DNAH9: variants seen among roughly 807,000 people sequenced by gnomAD.
DNAH9 encodes dynein axonemal heavy chain 9.
A neutral mutation model predicts 471.6 loss-of-function variants in DNAH9; 345 were observed. That is an observed-to-expected ratio of 0.73 (90% CI 0.67 to 0.80). DNAH9 has a LOEUF of 0.80. Among genes scored for constraint, DNAH9 ranks in the 30% least tolerant of loss-of-function variants. The pLI, the probability that DNAH9 is intolerant of heterozygous loss-of-function variation, is 0.00. For missense variants in DNAH9, 5,407 were observed against 5,609.2 expected (o/e 0.96, Z 1.15); for synonymous variants, 2,093 against 2,123.6 (o/e 0.99, Z 0.40).
intron 38 of DNAH9, among the ~76,000 whole-genome samples, chr17:11,772,252 AATT>A (rs2150882106): frequency 6.6e-6 from 1 of 151,986 alleles, no homozygotes; most frequent in Admixed American, 6.5e-5. Context: ...AAATTATTAA[AATT>A]AATAATCTAA....
At chr17:11,790,707 A>G (rs1300731367) in intron 41 of DNAH9, among the ~76,000 whole-genome samples, 1 of 151,816 alleles carries the variant, frequency 6.6e-6, no homozygotes, top group Non-Finnish European at 1.5e-5. Context: ...TGCTCTTTTT[A>G]ATATATTCTA....
chr17:11,617,406 T>C lies in DNAH9; in HGVS notation c.905-5T>C. Reference sequence around the variant, plus strand: ...GGAATGCTGACCATCTCCAATTCCTTCCAGCTCTAGCAGAGGCACAGGACA... The same window carrying C: ...GGAATGCTGACCATCTCCAATTCCTCCCAGCTCTAGCAGAGGCACAGGACA... On this transcript the variant is annotated splice_region_variant and splice_polypyrimidine_tract_variant and intron_variant, in intron 4 of 68. Transcript: ENST00000262442. 6.2e-7 allele frequency: 1 copy of C among 1,610,594 alleles called. No individual in the cohort carries two copies. Among genetic ancestry groups the C allele is most frequent in the Non-Finnish European group, 8.5e-7 (1 of 1,177,030 alleles).
intron 58 of DNAH9, among the ~76,000 whole-genome samples, chr17:11,893,399 A>G (rs575972732): frequency 1.9e-4 from 29 of 151,548 alleles, no homozygotes; most frequent in African/African-American, 6.8e-4. Flanking sequence ...GGAAAGACAC[A>G]TACACACGTA....
intron 1 of DNAH9, among the ~76,000 whole-genome samples, 163 bp downstream of exon 1, chr17:11,599,078 C>T (rs1384107910): frequency 1.3e-5 from 2 of 151,778 alleles, no homozygotes; most frequent in Non-Finnish European, 2.9e-5. Flanking sequence ...GGGAGCACAA[C>T]CAGGAGGGAA....
rs142507199 is a variant in DNAH9, at chr17:11,853,028, C to CT, written c.9508-974dup. Among the ~76,000 whole-genome samples the CT allele has an allele frequency of 7.4e-3, 1,123 of 150,894 alleles. 18 individuals are homozygous for CT. The highest frequency in any genetic ancestry group is 0.025 in the African/African-American group (1,044 of 41,132). On this transcript the variant is annotated intron_variant, in intron 49 of 68. Transcript: ENST00000262442. Reference sequence around the variant, plus strand: ...GTCACTTTAGGTTTTCAGCAAATGCCTGAATGGTCCCTTTAAAGGAAGTGG... The same window carrying CT: ...GTCACTTTAGGTTTTCAGCAAATGCCTTGAATGGTCCCTTTAAAGGAAGTGG...
chr17:11,863,544 T>G (rs891616285), intron 50 of DNAH9, among the ~76,000 whole-genome samples: 4 of 152,248 alleles, frequency 2.6e-5, no homozygotes, highest in African/African-American at 9.6e-5. Context: ...ATAAAATGAG[T>G]TAGGGAGGAT....
At position 11,652,918 on chromosome 17, in the gene DNAH9, T is replaced by C. The variant is rs1479610584; in HGVS notation, c.2511T>C (p.Leu837=). The part of the protein sequence containing the change: ...KTKDGKRESL[L]SLDDRHDRME... ...AAGATGGAAAAAGGGAATCCCTTCT[T>C]TCTCTGGATGATCGGCATGATCGAA... Residue 837 remains leucine, a synonymous_variant, in exon 14 of 69, where the codon CTT becomes CTC. Transcript: ENST00000262442. 1.1e-5 allele frequency: 17 copies of C among 1,613,958 alleles called. No homozygotes were observed. The highest frequency in any genetic ancestry group is 1.4e-5 in the Non-Finnish European group (17 of 1,179,942).
chr17:11,623,207 C>G lies in DNAH9; in HGVS notation c.1350+3426C>G, dbSNP rs1401298392. Among the ~76,000 whole-genome samples the G allele has an allele frequency of 6.6e-6, 1 of 152,022 alleles. No homozygotes were observed. ...CAGGCTGGTCTTGAACTCCCAACCT[C>G]AGGAGATCCACCCAGCTTGGCCTCC... is the stretch of plus-strand genomic sequence containing the variant. On this transcript the variant is annotated intron_variant, in intron 6 of 68. Coordinates refer to ENST00000262442, the MANE Select transcript of DNAH9 (RefSeq NM_001372.4). The surrounding 1 kb of genome is among the most constrained non-coding windows in gnomAD (Gnocchi z 4.1).
intron 45 of DNAH9, among the ~76,000 whole-genome samples, chr17:11,813,444 A>G: frequency 6.6e-6 from 1 of 152,152 alleles, no homozygotes; most frequent in East Asian, 1.9e-4. Context: ...AGCTGCGGGG[A>G]TGACGCAGAA....
chr17:11,707,483 G>A (rs757419211), intron 26 of DNAH9, among the ~76,000 whole-genome samples: 9 of 152,164 alleles, frequency 5.9e-5, no homozygotes, highest in Non-Finnish European at 8.8e-5. Context: ...ATCCCAGCAC[G>A]ATTCATAGCT....
At chr17:11,651,847 T>C (rs2073513245) in intron 13 of DNAH9, among the ~76,000 whole-genome samples, 1 of 152,024 alleles carries the variant, frequency 6.6e-6, no homozygotes, top group African/African-American at 2.4e-5. Flanking sequence ...ATATACAACA[T>C]AACTTATACA....
chr17:11,932,273 G>T lies in DNAH9; in HGVS notation c.12297+68G>T. 6.6e-7 allele frequency: 1 copy of T among 1,507,808 alleles called. No homozygotes were observed. The highest frequency in any genetic ancestry group is 1.2e-5 in the South Asian group (1 of 82,262). 93.4% of individuals were successfully genotyped at this position (1,507,808 alleles called of 1,614,324 possible). A position where few individuals can be genotyped will look rare whatever the true frequency, so the allele number is the denominator to read the frequency against. On this transcript the variant is annotated intron_variant, in intron 64 of 68. Coordinates refer to ENST00000262442, the MANE Select transcript of DNAH9 (RefSeq NM_001372.4). The surrounding 1 kb of genome is among the most constrained non-coding windows in gnomAD (Gnocchi z 4.3). Reference sequence around the variant, plus strand: ...GGTTAAAATTATTTAATTTTGAGGGGTGAATCAGAGGGGTCTAGGATGGGG... The same window carrying T: ...GGTTAAAATTATTTAATTTTGAGGGTTGAATCAGAGGGGTCTAGGATGGGG...
intron 50 of DNAH9, among the ~76,000 whole-genome samples, chr17:11,867,334 T>C (rs1359055367): frequency 6.6e-6 from 1 of 152,262 alleles, no homozygotes; most frequent in Non-Finnish European, 1.5e-5. Flanking sequence ...ATCAGTCCTC[T>C]GTTTTCTTCC....
Position 11,699,731 on chromosome 17 carries a change from G to A in DNAH9, c.4873G>A (p.Val1625Ile), listed in dbSNP as rs554599082. Residue 1625 changes from valine (V) to isoleucine (I), a missense_variant and splice_region_variant, in exon 23 of 69, where the codon GTT (valine) becomes ATT (isoleucine). Physicochemically the swap from Val to Ile is conservative, Grantham distance 29 (BLOSUM62 3). Around this residue, in one of 3 missense-constraint regions of DNAH9, gnomAD observed 4,636 missense variants for 4,900.3 expected, o/e 0.95. Transcript: ENST00000262442. ...CCATTGGCCTGGTTTCCCTTCATAG[G>A]TTCAACGTCACCTTTCCAAACTCTT... is the stretch of plus-strand genomic sequence containing the variant. ...ILSNGTAPQQ[V>I]QRHLSKLFDN... The A allele has an allele frequency of 1.1e-5, 18 of 1,614,066 alleles. No individual in the cohort carries two copies. The highest frequency in any genetic ancestry group is 9.9e-5 in the South Asian group (9 of 91,088).
intron 39 of DNAH9, among the ~76,000 whole-genome samples, chr17:11,781,876 C>T (rs1354752795): frequency 6.7e-6 from 1 of 150,054 alleles, no homozygotes; most frequent in Admixed American, 6.6e-5. Context: ...ACACCCGGTA[C>T]CATGCACCGT....
At chr17:11,878,872 T>G (rs1555614023) in intron 53 of DNAH9, among the ~76,000 whole-genome samples, 1 of 152,166 alleles carries the variant, frequency 6.6e-6, no homozygotes, top group Non-Finnish European at 1.5e-5. Context: ...CTGGCCCATT[T>G]TTAAGTTTTT....
At chr17:11,739,679 C>T (rs995134035) in intron 29 of DNAH9, among the ~76,000 whole-genome samples, 2 of 152,148 alleles carry the variant, frequency 1.3e-5, no homozygotes, top group Non-Finnish European at 2.9e-5. Context: ...TTTATTTCAC[C>T]CTTGCTACCG....
chr17:11,605,870 C>A (rs1462313867), intron 1 of DNAH9, among the ~76,000 whole-genome samples: 1 of 152,078 alleles, frequency 6.6e-6, no homozygotes, highest in Non-Finnish European at 1.5e-5. Context: ...CCCTTAAAAC[C>A]CCCACTCAAA....
Position 11,969,294 on chromosome 17 carries a change from C to A in DNAH9, c.13234-6C>A. The A allele has an allele frequency of 6.2e-7, 1 of 1,613,174 alleles. No homozygotes were observed. Among genetic ancestry groups the A allele is most frequent in the Non-Finnish European group, 8.5e-7 (1 of 1,179,508 alleles). On this transcript the variant is annotated splice_region_variant and splice_polypyrimidine_tract_variant and intron_variant, in intron 68 of 68. Transcript: ENST00000262442. ...TAAGGTGCCTCTTCTCATGTTTTATCCTCAGGCTGGGATCATTACAGAGGC... is the reference window on the plus strand; with the variant it reads ...TAAGGTGCCTCTTCTCATGTTTTATACTCAGGCTGGGATCATTACAGAGGC...
Sources: gnomAD v4.1 joint callset for allele counts (sites outside exome capture counted in the v4.1 genomes callset) on GRCh38, gnomAD v4.1.1 for gene constraint, gnomAD v4.1.1 regional missense constraint, Gnocchi (gnomAD v3.1) non-coding constraint, MANE v1.5 for transcripts, NCBI Gene and HGNC (gene_info 2026-07-23, HGNC 2026-07-21) for gene names.